Variants in SIRT5 observed in about 807,000 individuals in gnomAD.
The protein encoded by SIRT5 is sirtuin 5.
SIRT5 carries 26 observed loss-of-function variants against 40.0 expected under a neutral mutation model. The observed-to-expected ratio is 0.65, with a 90% confidence interval of 0.48 to 0.90. The LOEUF is 0.90. SIRT5 is among the 40% of genes least tolerant of loss of function. The pLI, the probability that SIRT5 is intolerant of heterozygous loss-of-function variation, is 0.00. For synonymous variants in SIRT5, 146 were observed against 149.1 expected, an observed-to-expected ratio of 0.98 and a Z score of 0.15; for missense variants, 401 against 402.4, an observed-to-expected ratio of 1.00 and a Z score of 0.03.
intron 9 of SIRT5, among the ~76,000 whole-genome samples, chr6:13,609,929 C>G (rs1044118363): frequency 2.0e-5 from 3 of 152,060 alleles, no homozygotes; most frequent in African/African-American, 7.2e-5. Context: ...GATGTAAGTA[C>G]TGAAAGACCT....
chr6:13,603,915 C>T (rs1262710721), intron 9 of SIRT5, among the ~76,000 whole-genome samples: 1 of 152,156 alleles, frequency 6.6e-6, no homozygotes. Flanking sequence ...CCCTTGAAAA[C>T]GTTATGCTAA....
chr6:13,586,831 A>G (rs1170501585), intron 3 of SIRT5, among the ~76,000 whole-genome samples: 1 of 152,180 alleles, frequency 6.6e-6, no homozygotes, highest in Non-Finnish European at 1.5e-5. Flanking sequence ...GGAGTCAACC[A>G]TACATGAGAA....
In SIRT5 at chr6:13,612,005, G is replaced by C; in HGVS notation, c.*140G>C. ...TTCCCTCGCTGGAATCCAACCTGTT[G>C]ATAAGTGATGGGGGTTTAGAAGTAG... On this transcript the variant is annotated 3_prime_UTR_variant, in exon 10 of 10. Transcript: ENST00000606117. The C allele has an allele frequency of 1.4e-6, 1 of 694,474 alleles. No individual in the cohort carries two copies. The highest frequency in any genetic ancestry group is 2.4e-5 in the Admixed American group (1 of 42,288). 43.0% of individuals were successfully genotyped at this position (694,474 alleles called of 1,614,324 possible).
intron 1 of SIRT5, among the ~76,000 whole-genome samples, chr6:13,575,203 C>T (rs2127594127): frequency 6.6e-6 from 1 of 152,176 alleles, no homozygotes; most frequent in South Asian, 2.1e-4. Context: ...GCGGGGAGGC[C>T]GCATGCAGTC....
rs1344380345 is a variant in SIRT5, at chr6:13,614,811, C to G, written c.*2946C>G. On this transcript the variant is annotated 3_prime_UTR_variant, in exon 10 of 10. Transcript: ENST00000606117. ...ATTTCTTTAGAGTCCAGGTCTGTCGCCCGCGTCTTCGTCGGTGGCAGCAGG... is the reference window on the plus strand; with the variant it reads ...ATTTCTTTAGAGTCCAGGTCTGTCGGCCGCGTCTTCGTCGGTGGCAGCAGG... The G allele has an allele frequency of 6.5e-6, 1 of 152,882 alleles. No homozygotes were observed. Among genetic ancestry groups the G allele is most frequent in the African/African-American group, 2.4e-5 (1 of 41,492 alleles). The allele number at this position is 152,882 out of a possible 1,614,324, so 9.5% of individuals were successfully genotyped here.
At chr6:13,583,109 G>A (rs1759568850) in intron 2 of SIRT5, among the ~76,000 whole-genome samples, 1 of 152,054 alleles carries the variant, frequency 6.6e-6, no homozygotes, top group Non-Finnish European at 1.5e-5. Flanking sequence ...GGGAGGATGG[G>A]GTGGGAGGAT....
At chr6:13,597,793 G>A (rs1761794238) in intron 7 of SIRT5, among the ~76,000 whole-genome samples, 1 of 152,048 alleles carries the variant, frequency 6.6e-6, no homozygotes, top group Non-Finnish European at 1.5e-5. Context: ...TGATCCACCC[G>A]CCTCAGCCTC....
At chr6:13,582,005 T>G (rs1759403480) in intron 2 of SIRT5, among the ~76,000 whole-genome samples, 1 of 152,144 alleles carries the variant, frequency 6.6e-6, no homozygotes, top group Non-Finnish European at 1.5e-5. Flanking sequence ...AAAGCCCCAC[T>G]TCCATGAACC....
chr6:13,575,474 C>A (rs773789768), intron 1 of SIRT5, among the ~76,000 whole-genome samples: 1 of 151,960 alleles, frequency 6.6e-6, no homozygotes, highest in African/African-American at 2.4e-5. Context: ...TATTGGGAGC[C>A]TGTACAACTT....
intron 5 of SIRT5, among the ~76,000 whole-genome samples, chr6:13,594,022 G>A (rs547718614): frequency 6.6e-6 from 1 of 152,192 alleles, no homozygotes; most frequent in Admixed American, 6.5e-5. Flanking sequence ...CACACCTTCC[G>A]CAAGTTCGCT....
At position 13,591,858 on chromosome 6, in the gene SIRT5, C is replaced by T. The variant is rs139920526; in HGVS notation, c.439C>T (p.Arg147Cys). 2.4e-5 allele frequency: 38 copies of T among 1,614,046 alleles called. 1 individual carries two copies. Among genetic ancestry groups the T allele is most frequent in the South Asian group, 5.5e-5 (5 of 91,074 alleles). The change falls in exon 5 of 10, where the codon CGC (arginine) becomes TGC (cysteine). Residue 147 changes from arginine to cysteine, a missense_variant. Transcript: ENST00000606117. Reference protein sequence around the residue: ...VITQNIDELHRKAGTKNLLEI... With the variant: ...VITQNIDELHCKAGTKNLLEI... The stretch of plus-strand genomic sequence containing the variant: ...CACCCAGAACATCGATGAGCTGCAC[C>T]GCAAGGCTGGCACCAAGAACCTTCT...
intron 9 of SIRT5, chr6:13,604,509 A>G (rs200919546): frequency 2.9e-5 from 46 of 1,578,800 alleles, no homozygotes; most frequent in Non-Finnish European, 3.7e-5. Context: ...TAATTATTAT[A>G]AAGAATTAAA....
At chr6:13,611,197 G>A (rs1405364772) in intron 9 of SIRT5, among the ~76,000 whole-genome samples, 6 of 82,922 alleles carry the variant, frequency 7.2e-5, no homozygotes, top group African/African-American at 3.2e-4. Context: ...AATGTTTTAT[G>A]TGTGTGTGTG....
chr6:13,611,638 A>G (rs1763946378), intron 9 of SIRT5, 152 bp from the exon 10 acceptor site: 2 of 667,112 alleles, frequency 3.0e-6, no homozygotes, highest in South Asian at 3.5e-5. Flanking sequence ...AAGCTAGTTG[A>G]AAGAAGTGGG....
At chr6:13,584,373 A>G in intron 3 of SIRT5, 148 bp downstream of exon 3, 1 of 651,108 alleles carries the variant, frequency 1.5e-6, no homozygotes, top group South Asian at 1.9e-5. Flanking sequence ...TTTTTTTGAG[A>G]CGGAGTCTTG....
intron 6 of SIRT5, among the ~76,000 whole-genome samples, chr6:13,596,363 A>G (rs1319418127): frequency 6.6e-6 from 1 of 152,224 alleles, no homozygotes; most frequent in Non-Finnish European, 1.5e-5. Context: ...ATATAATGTC[A>G]TTGCAGAGGA....
At position 13,608,599 on chromosome 6, in the gene SIRT5, A is replaced by AG. The variant is rs1462873246; in HGVS notation, c.858-3191_858-3190insG. On this transcript the variant is annotated intron_variant, in intron 9 of 9. Transcript: ENST00000606117. ...AGACTCTGTCTTAAAAAAAAAAAAAAAGAGAGAGAGAAAGAAAATCTTTTA... is the reference window on the plus strand; with the variant it reads ...AGACTCTGTCTTAAAAAAAAAAAAAAGAGAGAGAGAGAAAGAAAATCTTTTA... 7.9e-5 allele frequency among the ~76,000 whole-genome samples: 12 copies of AG among 151,830 alleles called. No homozygotes were observed. In the East Asian group the frequency reaches 1.3e-3, roughly 17 times the overall value.
chr6:13,608,329 T>C (rs1408202223), intron 9 of SIRT5, among the ~76,000 whole-genome samples: 2 of 152,206 alleles, frequency 1.3e-5, no homozygotes, highest in Non-Finnish European at 2.9e-5. Flanking sequence ...CTTATGCCTG[T>C]AATCCCAGCA....
chr6:13,600,117 A>G (rs1362285697), intron 8 of SIRT5, among the ~76,000 whole-genome samples: 2 of 152,240 alleles, frequency 1.3e-5, no homozygotes, highest in African/African-American at 4.8e-5. Flanking sequence ...ATGCTCTTCA[A>G]ATGATTTCCT....
Sources: allele counts gnomAD v4.1 joint callset (sites outside exome capture counted in the v4.1 genomes callset), GRCh38; gene constraint gnomAD v4.1.1; transcripts MANE v1.5; gene names NCBI Gene and HGNC (gene_info 2026-07-23, HGNC 2026-07-21).